Variants in R3HDM1 observed in about 807,000 individuals in gnomAD.
The protein encoded by R3HDM1 is R3H domain containing 1.
R3HDM1 carries 46 observed loss-of-function variants against 141.1 expected under a neutral mutation model. The ratio of observed to expected loss-of-function variants is 0.33; its 90% CI spans 0.26 to 0.42. The LOEUF is 0.42. Ranked by LOEUF, R3HDM1 falls within the 10% of genes least tolerant of loss-of-function variation. R3HDM1 has a pLI of 1.00. For synonymous variants in R3HDM1, 435 were observed against 472.9 expected (o/e 0.92, Z 1.04); for missense variants, 1,184 against 1,368.3 (o/e 0.87, Z 2.12).
intron 18 of R3HDM1, among the ~76,000 whole-genome samples, chr2:135,659,971 A>G (rs894464746): frequency 3.3e-5 from 5 of 152,180 alleles, no homozygotes; most frequent in Admixed American, 6.5e-5. Flanking sequence ...CATATATGCA[A>G]TCTATCATTG....
chr2:135,533,776 G>T (rs976442797), intron 1 of R3HDM1, among the ~76,000 whole-genome samples: 2 of 152,160 alleles, frequency 1.3e-5, no homozygotes, highest in East Asian at 3.8e-4. Flanking sequence ...CTACTCGGGA[G>T]GCTGAGACAG....
chr2:135,654,031 T>C (rs1029629071), intron 18 of R3HDM1, among the ~76,000 whole-genome samples: 1 of 152,182 alleles, frequency 6.6e-6, no homozygotes. Context: ...ATTTAGTACA[T>C]ATTCACAGTG....
rs939220194 is a variant in R3HDM1 at position 135,531,492 on chromosome 2, A to C, written c.-391A>C. The C allele has an allele frequency of 9.1e-6, 9 of 985,734 alleles. No homozygotes were observed. In the African/African-American group the frequency reaches 1.2e-4, roughly 13 times the overall value. The allele number at this position is 985,734 out of a possible 1,614,324, so 61.1% of individuals were successfully genotyped here. On this transcript the variant is annotated 5_prime_UTR_variant, in exon 1 of 27. Transcript: ENST00000683871. Reference sequence around the variant, plus strand: ...TGGTGGGAAGGGGCGGGATTCTGCCAGCCGCGGCTGCCGCTGGAGCCGGTG... The same window carrying C: ...TGGTGGGAAGGGGCGGGATTCTGCCCGCCGCGGCTGCCGCTGGAGCCGGTG...
At position 135,636,188 on chromosome 2, in the gene R3HDM1, G is replaced by A. The variant is rs538127253; in HGVS notation, c.903+5G>A. On this transcript the variant is annotated splice_donor_5th_base_variant and intron_variant, in intron 11 of 26. Coordinates refer to ENST00000683871, the MANE Select transcript of R3HDM1 (RefSeq NM_001378107.1). The stretch of plus-strand genomic sequence containing the variant: ...GACCGAATATTTTCCCAAGATGTAC[G>A]TACTAACTTACTTAGGTCTTCATGT... The A allele has an allele frequency of 1.4e-5, 22 of 1,610,774 alleles. No homozygotes were observed. The highest frequency in any genetic ancestry group is 4.0e-5 in the African/African-American group (3 of 74,828).
At chr2:135,671,399 C>T (rs973964891) in intron 19 of R3HDM1, among the ~76,000 whole-genome samples, 1 of 151,708 alleles carries the variant, frequency 6.6e-6, no homozygotes, top group African/African-American at 2.4e-5. Context: ...GATGGAGTTT[C>T]GCTCTTGTCG....
intron 1 of R3HDM1, among the ~76,000 whole-genome samples, chr2:135,539,597 G>A (rs1198700955): frequency 2.0e-5 from 3 of 151,916 alleles, no homozygotes; most frequent in African/African-American, 4.8e-5. Flanking sequence ...ATGAAAAAGC[G>A]AGTCATATAC....
chr2:135,553,684 T>TTTTG lies in R3HDM1; in HGVS notation c.-250+22071_-250+22074dup, dbSNP rs559914868. Among the ~76,000 whole-genome samples the TTTTG allele has an allele frequency of 2.0e-3, 300 of 152,244 alleles. 4 individuals carry two copies. Among genetic ancestry groups the TTTTG allele is most frequent in the African/African-American group, 5.6e-3 (232 of 41,558 alleles). The stretch of plus-strand genomic sequence containing the variant: ...TTCTGCTGAGGTTTTTGTATGTGTT[T>TTTTG]TTTGTTTGTTTGTTTGTTTGTTTTT... On this transcript the variant is annotated intron_variant, in intron 1 of 26. Transcript: ENST00000683871.
intron 1 of R3HDM1, among the ~76,000 whole-genome samples, chr2:135,560,908 G>C (rs932354896): frequency 6.6e-6 from 1 of 152,182 alleles, no homozygotes; most frequent in African/African-American, 2.4e-5. Flanking sequence ...GAGTCTCTGA[G>C]TATGACATGG....
At chr2:135,698,068 A>AG (rs1320161107) in intron 21 of R3HDM1, among the ~76,000 whole-genome samples, 1 of 151,712 alleles carries the variant, frequency 6.6e-6, no homozygotes, top group East Asian at 1.9e-4. Context: ...AAAAAAAAAA[A>AG]AAAGTAAGTG....
At chr2:135,595,756 A>G (rs552730864) in intron 1 of R3HDM1, among the ~76,000 whole-genome samples, 57 of 152,338 alleles carry the variant, frequency 3.7e-4, no homozygotes, top group African/African-American at 1.3e-3. Flanking sequence ...TACCTAGAAC[A>G]GTGCTCTGTA....
intron 3 of R3HDM1, among the ~76,000 whole-genome samples, chr2:135,613,353 A>T (rs2060717677): frequency 6.6e-6 from 1 of 152,174 alleles, no homozygotes; most frequent in Non-Finnish European, 1.5e-5. Flanking sequence ...CTATCTTCAA[A>T]GCCATCAACG....
intron 1 of R3HDM1, among the ~76,000 whole-genome samples, chr2:135,538,241 A>G (rs1203338757): frequency 6.6e-6 from 1 of 152,232 alleles, no homozygotes; most frequent in Non-Finnish European, 1.5e-5. Flanking sequence ...AATAAAGACA[A>G]GGTATGGTAA....
intron 19 of R3HDM1, among the ~76,000 whole-genome samples, chr2:135,668,844 G>A (rs1032274326): frequency 6.6e-6 from 1 of 152,164 alleles, no homozygotes; most frequent in African/African-American, 2.4e-5. Context: ...GACTAATCTT[G>A]TATAGACTCA....
intron 21 of R3HDM1, among the ~76,000 whole-genome samples, chr2:135,685,311 T>C (rs1431320148): frequency 6.6e-6 from 1 of 152,152 alleles, no homozygotes; most frequent in Non-Finnish European, 1.5e-5. Flanking sequence ...TCACTTTCCT[T>C]CTTGTGCTTA....
chr2:135,715,705 A>C lies in R3HDM1; in HGVS notation c.2881+11A>C, dbSNP rs746384007. 3.0e-5 allele frequency: 48 copies of C among 1,607,534 alleles called. No individual in the cohort carries two copies. The highest frequency in any genetic ancestry group is 3.8e-5 in the Non-Finnish European group (45 of 1,177,192). On this transcript the variant is annotated intron_variant, in intron 24 of 26. Transcript: ENST00000683871. ...TTGTCCCCGGGCAAGGTAAGTGCAC[A>C]TGAAACTAGTCACAACTTCAGAGAA... is the stretch of plus-strand genomic sequence containing the variant.
At chr2:135,573,599 A>G (rs1210837248) in intron 1 of R3HDM1, among the ~76,000 whole-genome samples, 1 of 152,072 alleles carries the variant, frequency 6.6e-6, no homozygotes, top group African/African-American at 2.4e-5. Flanking sequence ...TTAAAAATAC[A>G]TACAATCTGA....
chr2:135,658,649 C>T (rs1414526210), intron 18 of R3HDM1, among the ~76,000 whole-genome samples: 3 of 152,108 alleles, frequency 2.0e-5, no homozygotes, highest in Admixed American at 2.0e-4. Flanking sequence ...TTTCTTTCTT[C>T]AGTAATTAAC....
At chr2:135,572,509 A>G (rs1019986402) in intron 1 of R3HDM1, among the ~76,000 whole-genome samples, 1 of 152,234 alleles carries the variant, frequency 6.6e-6, no homozygotes, top group South Asian at 2.1e-4. Flanking sequence ...CATGCCCACT[A>G]GGATGACTAT....
chr2:135,540,321 C>G (rs1157876987), intron 1 of R3HDM1, among the ~76,000 whole-genome samples: 1 of 152,144 alleles, frequency 6.6e-6, no homozygotes, highest in Non-Finnish European at 1.5e-5. Context: ...AGGTTGAAAT[C>G]GATTTCTTCC....
Sources: allele counts gnomAD v4.1 joint callset (sites outside exome capture counted in the v4.1 genomes callset), GRCh38; gene constraint gnomAD v4.1.1; transcripts MANE v1.5; gene names NCBI Gene and HGNC (gene_info 2026-07-23, HGNC 2026-07-21).